Variants in TNFSF4 observed in about 807,000 individuals in gnomAD.
TNFSF4 encodes TNF superfamily member 4.
A neutral mutation model predicts 7.3 loss-of-function variants in TNFSF4; 4 were observed. That is an observed-to-expected ratio of 0.55 (90% CI 0.27 to 1.25). TNFSF4 has a LOEUF of 1.25. TNFSF4 is among the 50% of genes most tolerant of loss of function. The pLI is 0.12. For missense variants in TNFSF4, 181 were observed against 208.8 expected (o/e 0.87, Z 0.82); for synonymous variants, 76 against 83.7 (o/e 0.91, Z 0.50).
chr1:173,227,486 C>T, the TNFSF4 span, among the ~76,000 whole-genome samples: 1 of 152,152 alleles, frequency 6.6e-6, no homozygotes. Context: ...TCTACAGCTC[C>T]CAGCATGAGT....
chr1:173,408,475 A>C, the TNFSF4 span, among the ~76,000 whole-genome samples: 1 of 152,354 alleles, frequency 6.6e-6, no homozygotes, highest in East Asian at 1.9e-4. Context: ...AATTAAATGC[A>C]GAATGGATAA....
At chr1:173,222,363 C>A in the TNFSF4 span, among the ~76,000 whole-genome samples, 1 of 152,050 alleles carries the variant, frequency 6.6e-6, no homozygotes. Context: ...GGAAAAAGTC[C>A]CAACCTTAAT....
the TNFSF4 span, among the ~76,000 whole-genome samples, chr1:173,252,370 C>T: frequency 1.3e-5 from 2 of 152,088 alleles, no homozygotes; most frequent in African/African-American, 2.4e-5. Flanking sequence ...AATCTTCATA[C>T]AAATCTAATC....
At chr1:173,379,999 C>T in the TNFSF4 span, among the ~76,000 whole-genome samples, 3 of 152,338 alleles carry the variant, frequency 2.0e-5, no homozygotes, top group Admixed American at 1.3e-4. Flanking sequence ...TGTCATCAGA[C>T]TCACTGAGCG....
the TNFSF4 span, among the ~76,000 whole-genome samples, chr1:173,444,816 G>A: frequency 1.3e-5 from 2 of 152,170 alleles, no homozygotes; most frequent in African/African-American, 2.4e-5. Context: ...TGCTTATGAA[G>A]AGCATACAAA....
At chr1:173,244,326 C>A in the TNFSF4 span, among the ~76,000 whole-genome samples, 1 of 152,140 alleles carries the variant, frequency 6.6e-6, no homozygotes, top group Admixed American at 6.5e-5. Context: ...TAAGCAAAAG[C>A]TTTGAGCTAG....
the TNFSF4 span, among the ~76,000 whole-genome samples, chr1:173,262,708 T>C: frequency 6.7e-6 from 1 of 149,536 alleles, no homozygotes; most frequent in East Asian, 2.0e-4. Context: ...GTTCATGCCA[T>C]TCTCCTGCCT....
the TNFSF4 span, among the ~76,000 whole-genome samples, chr1:173,295,705 C>T: frequency 6.6e-6 from 1 of 151,996 alleles, no homozygotes; most frequent in Non-Finnish European, 1.5e-5. Flanking sequence ...CTGTGAGCTT[C>T]ATCTTCAACG....
the TNFSF4 span, among the ~76,000 whole-genome samples, chr1:173,444,473 A>C: frequency 6.6e-6 from 1 of 152,060 alleles, no homozygotes; most frequent in Admixed American, 6.6e-5. Flanking sequence ...CATAACATTA[A>C]GTGCTTCTCT....
the TNFSF4 span, among the ~76,000 whole-genome samples, chr1:173,280,796 G>A: frequency 6.6e-6 from 1 of 152,076 alleles, no homozygotes; most frequent in East Asian, 1.9e-4. Context: ...CTGGTGTTTG[G>A]GGAATTTCAA....
At chr1:173,316,133 T>C in the TNFSF4 span, among the ~76,000 whole-genome samples, 1 of 152,176 alleles carries the variant, frequency 6.6e-6, no homozygotes, top group Non-Finnish European at 1.5e-5. Flanking sequence ...AACATGTGGA[T>C]ATCCAGTTTA....
the TNFSF4 span, among the ~76,000 whole-genome samples, chr1:173,226,455 A>G: frequency 6.6e-6 from 1 of 152,222 alleles, no homozygotes; most frequent in Admixed American, 6.5e-5. Context: ...GCAAATGAGC[A>G]TCTCTCCCTA....
chr1:173,349,968 TAA>T, the TNFSF4 span, among the ~76,000 whole-genome samples: 4 of 152,206 alleles, frequency 2.6e-5, no homozygotes, highest in Non-Finnish European at 4.4e-5. Flanking sequence ...TAAACTAGGT[TAA>T]ATGTAATCTT....
the TNFSF4 span, among the ~76,000 whole-genome samples, chr1:173,284,990 G>T: frequency 3.3e-5 from 5 of 152,106 alleles, no homozygotes; most frequent in African/African-American, 9.7e-5. Context: ...ACTTTGTCAG[G>T]CTATATCTGC....
chr1:173,193,019 C>A (rs1649547232), intron 1 of TNFSF4, among the ~76,000 whole-genome samples: 1 of 151,912 alleles, frequency 6.6e-6, no homozygotes, highest in Non-Finnish European at 1.5e-5. Flanking sequence ...AACTATATGA[C>A]AACAGAATGA....
chr1:173,337,765 G>T, the TNFSF4 span, among the ~76,000 whole-genome samples: 1 of 152,190 alleles, frequency 6.6e-6, no homozygotes, highest in African/African-American at 2.4e-5. Flanking sequence ...TGTGGCCAAT[G>T]GTTTGGCTGA....
the TNFSF4 span, among the ~76,000 whole-genome samples, chr1:173,431,496 G>T: frequency 3.3e-5 from 5 of 152,216 alleles, no homozygotes; most frequent in East Asian, 9.6e-4. Flanking sequence ...AGCCACCTCC[G>T]TGAGCCTGCA....
the TNFSF4 span, among the ~76,000 whole-genome samples, chr1:173,303,015 G>C: frequency 6.6e-6 from 1 of 151,838 alleles, no homozygotes; most frequent in Non-Finnish European, 1.5e-5. Context: ...ATTAAAGAAA[G>C]AGGAAAGAAA....
the TNFSF4 span, among the ~76,000 whole-genome samples, chr1:173,425,765 C>T: frequency 6.6e-6 from 1 of 152,174 alleles, no homozygotes. Flanking sequence ...TGAACTAGAG[C>T]GAGGAGGCTG....
Sources: gnomAD v4.1 joint callset for allele counts (sites outside exome capture counted in the v4.1 genomes callset) on GRCh38, gnomAD v4.1.1 for gene constraint, MANE v1.5 for transcripts, NCBI Gene and HGNC (gene_info 2026-07-23, HGNC 2026-07-21) for gene names.